Variants in PTPRD observed in about 807,000 individuals in gnomAD.
The protein encoded by PTPRD is protein tyrosine phosphatase receptor type D.
Under a neutral mutation model 214.5 loss-of-function variants are expected in PTPRD, and 34 were observed. That is an observed-to-expected ratio of 0.16 (90% confidence interval 0.12 to 0.21). The LOEUF is 0.21. Ranked by LOEUF, PTPRD falls within the 10% of genes least tolerant of loss-of-function variation. PTPRD has a pLI of 1.00. For synonymous variants in PTPRD, 1,128 were observed against 845.7 expected, an observed-to-expected ratio of 1.33 and a Z score of -5.79; for missense variants, 2,545 against 2,398.7, an observed-to-expected ratio of 1.06 and a Z score of -1.27.
intron 2 of PTPRD, among the ~76,000 whole-genome samples, chr9:10,557,155 C>A (rs2062793711): frequency 6.6e-6 from 1 of 151,952 alleles, no homozygotes; most frequent in Admixed American, 6.6e-5. Context: ...GTAGAAATAA[C>A]AGAAGATTTA....
chr9:9,285,996 T>C (rs1395986322), intron 9 of PTPRD, among the ~76,000 whole-genome samples: 3 of 151,770 alleles, frequency 2.0e-5, no homozygotes, highest in Non-Finnish European at 4.4e-5. Flanking sequence ...ACTGAAATCC[T>C]TGTATAGCCT....
At chr9:10,386,790 C>G (rs1446901786) in intron 2 of PTPRD, among the ~76,000 whole-genome samples, 1 of 151,844 alleles carries the variant, frequency 6.6e-6, no homozygotes, top group East Asian at 1.9e-4. Flanking sequence ...AAAATAGCCA[C>G]ACCCTAGAAG....
intron 5 of PTPRD, among the ~76,000 whole-genome samples, chr9:9,879,988 GC>G (rs2153734853): frequency 6.6e-6 from 1 of 152,196 alleles, no homozygotes; most frequent in South Asian, 2.1e-4. Context: ...GTGTGATATG[GC>G]TTGCCTCTGT....
At chr9:9,270,948 A>G (rs924403751) in intron 9 of PTPRD, among the ~76,000 whole-genome samples, 2 of 151,324 alleles carry the variant, frequency 1.3e-5, no homozygotes, top group African/African-American at 4.8e-5. Flanking sequence ...TTGCATAAAC[A>G]CTGGATTAAC....
chr9:9,960,023 G>A (rs573375581), intron 4 of PTPRD, among the ~76,000 whole-genome samples: 1 of 152,226 alleles, frequency 6.6e-6, no homozygotes, highest in East Asian at 1.9e-4. Context: ...CAACAAACAT[G>A]CCTAGCACCC....
chr9:9,345,616 AT>A (rs2048494706), intron 9 of PTPRD, among the ~76,000 whole-genome samples: 1 of 152,172 alleles, frequency 6.6e-6, no homozygotes, highest in Admixed American at 6.6e-5. Flanking sequence ...CCCCAAGGTC[AT>A]CCCATATGGC....
chr9:8,999,120 A>G (rs748659199), intron 11 of PTPRD, among the ~76,000 whole-genome samples: 3 of 152,096 alleles, frequency 2.0e-5, no homozygotes, highest in Non-Finnish European at 4.4e-5. Context: ...TTATAATATT[A>G]CACAAGTTAG....
Position 9,448,799 on chromosome 9 carries a change from A to AACACACACATGC in PTPRD, c.-236-51329_-236-51318dup, listed in dbSNP as rs2091284758. Among the ~76,000 whole-genome samples the AACACACACATGC allele has an allele frequency of 6.6e-5, 10 of 152,164 alleles. 1 individual carries two copies. The South Asian group carries it at 2.1e-3, about 32-fold the overall frequency. On this transcript the variant is annotated intron_variant, in intron 8 of 45. Coordinates refer to ENST00000381196, the MANE Select transcript of PTPRD (RefSeq NM_002839.4). ...TTTACTGTTTTCAGCAGGGGGATTA[A>AACACACACATGC]ACACACACATGCACACACACTGTGG... is the stretch of plus-strand genomic sequence containing the variant.
At chr9:9,901,310 A>G (rs1424011890) in intron 5 of PTPRD, among the ~76,000 whole-genome samples, 1 of 152,202 alleles carries the variant, frequency 6.6e-6, no homozygotes, top group Admixed American at 6.5e-5. Context: ...TTTCTTTAAA[A>G]CTATTAGACC....
intron 3 of PTPRD, among the ~76,000 whole-genome samples, chr9:10,339,298 T>C (rs990053105): frequency 3.0e-4 from 45 of 151,836 alleles, no homozygotes; most frequent in African/African-American, 1.1e-3. Flanking sequence ...TAAAGGCTTT[T>C]TCATTGTTGT....
intron 27 of PTPRD, among the ~76,000 whole-genome samples, 159 bp downstream of exon 27, chr9:8,492,703 A>ATT (rs5896249): frequency 7.0e-6 from 1 of 143,408 alleles, no homozygotes; most frequent in African/African-American, 2.5e-5. Context: ...TCCCTGATCT[A>ATT]TTTTTTTTTT....
intron 3 of PTPRD, among the ~76,000 whole-genome samples, chr9:10,100,047 T>C (rs2098536787): frequency 1.3e-5 from 2 of 151,720 alleles, no homozygotes; most frequent in African/African-American, 4.8e-5. Flanking sequence ...AGTATGCATA[T>C]GGGTAAACCT....
intron 12 of PTPRD, among the ~76,000 whole-genome samples, chr9:8,685,622 A>T (rs926574358): frequency 6.6e-6 from 1 of 152,220 alleles, no homozygotes; most frequent in Admixed American, 6.5e-5. Flanking sequence ...GGCCTGTTTT[A>T]AAACTGACTG....
At chr9:9,438,128 G>C (rs997707958) in intron 8 of PTPRD, among the ~76,000 whole-genome samples, 1 of 152,144 alleles carries the variant, frequency 6.6e-6, no homozygotes, top group Non-Finnish European at 1.5e-5. Flanking sequence ...TACTGGAGTA[G>C]AGCTCAACCT....
At chr9:10,455,872 T>G (rs2098911796) in intron 2 of PTPRD, among the ~76,000 whole-genome samples, 1 of 151,872 alleles carries the variant, frequency 6.6e-6, no homozygotes, top group African/African-American at 2.4e-5. Context: ...TTGTGTTACC[T>G]TTTTTGCTTT....
intron 11 of PTPRD, among the ~76,000 whole-genome samples, chr9:8,765,449 C>T (rs1019449478): frequency 6.6e-6 from 1 of 152,208 alleles, no homozygotes; most frequent in African/African-American, 2.4e-5. Flanking sequence ...AGCCCGTGGA[C>T]AGCCCCACAT....
chr9:8,404,785 A>ATCCT (rs2092800116), intron 35 of PTPRD, 125 bp from the exon 36 acceptor site: 7 of 1,207,566 alleles, frequency 5.8e-6, no homozygotes, highest in Middle Eastern at 2.8e-4. Context: ...CATCAAGATG[A>ATCCT]TCCTAACTGT....
intron 4 of PTPRD, among the ~76,000 whole-genome samples, chr9:10,029,393 T>A (rs1340294177): frequency 6.6e-6 from 1 of 152,080 alleles, no homozygotes; most frequent in African/African-American, 2.4e-5. Flanking sequence ...ACTGTGCACT[T>A]GGAAAAGCCA....
intron 12 of PTPRD, among the ~76,000 whole-genome samples, chr9:8,710,989 C>A (rs1384893562): frequency 6.6e-6 from 1 of 152,124 alleles, no homozygotes; most frequent in East Asian, 1.9e-4. Context: ...AATTTAAACT[C>A]CATGTGTTCT....
Sources: gnomAD v4.1 joint callset for allele counts (sites outside exome capture counted in the v4.1 genomes callset) on GRCh38, gnomAD v4.1.1 for gene constraint, MANE v1.5 for transcripts, NCBI Gene and HGNC (gene_info 2026-07-23, HGNC 2026-07-21) for gene names.